The following DPP10 variants were observed in gnomAD, a reference collection of about 807,000 sequenced individuals.
DPP10 encodes the protein dipeptidyl peptidase like 10.
DPP10 carries 33 observed loss-of-function variants against 120.9 expected under a neutral mutation model. That is an observed-to-expected ratio of 0.27 (90% CI 0.21 to 0.37). The LOEUF is 0.37. Ranked by LOEUF, DPP10 falls within the 10% of genes least tolerant of loss-of-function variation. DPP10 has a pLI of 1.00. For missense variants in DPP10, 816 were observed against 942.8 expected (o/e 0.87, Z 1.76); for synonymous variants, 337 against 326.1 (o/e 1.03, Z -0.36).
chr2:115,073,436 G>T (rs960951059), intron 1 of DPP10, among the ~76,000 whole-genome samples: 1 of 152,234 alleles, frequency 6.6e-6, no homozygotes, highest in Non-Finnish European at 1.5e-5. Context: ...GGGCACAGTG[G>T]AGGTGGGTGT....
At chr2:115,532,750 C>A (rs1243185347) in intron 5 of DPP10, among the ~76,000 whole-genome samples, 2 of 151,536 alleles carry the variant, frequency 1.3e-5, no homozygotes, top group South Asian at 2.1e-4. Context: ...TATGTTAAAA[C>A]CTTGATGATC....
chr2:114,754,273 G>C (rs1161468760), intron 1 of DPP10, among the ~76,000 whole-genome samples: 3 of 152,084 alleles, frequency 2.0e-5, no homozygotes, highest in Non-Finnish European at 2.9e-5. Context: ...CACCTGGATG[G>C]GTGGTCACTT....
At chr2:115,772,579 C>T (rs1011817496) in intron 13 of DPP10, among the ~76,000 whole-genome samples, 10 of 152,090 alleles carry the variant, frequency 6.6e-5, no homozygotes, top group Non-Finnish European at 1.3e-4. Flanking sequence ...GTTTTGTACA[C>T]GTATTACTAT....
chr2:114,809,572 C>T (rs763522965), intron 1 of DPP10, among the ~76,000 whole-genome samples: 12 of 152,128 alleles, frequency 7.9e-5, no homozygotes, highest in Non-Finnish European at 1.2e-4. Context: ...TTCTTTGTGA[C>T]AATCGTGTGA....
At chr2:115,604,248 T>G (rs1016649541) in intron 5 of DPP10, among the ~76,000 whole-genome samples, 2 of 152,050 alleles carry the variant, frequency 1.3e-5, no homozygotes, top group Non-Finnish European at 2.9e-5. Flanking sequence ...CCTGAGAGAG[T>G]AGCCCCAACT....
At chr2:115,181,028 C>T (rs2054043301) in intron 1 of DPP10, among the ~76,000 whole-genome samples, 1 of 69,690 alleles carries the variant, frequency 1.4e-5, no homozygotes, top group Admixed American at 1.6e-4. Context: ...CATCTCACCC[C>T]TATTTTGATT....
chr2:115,409,907 C>T (rs943093927), intron 3 of DPP10, among the ~76,000 whole-genome samples: 7 of 152,142 alleles, frequency 4.6e-5, no homozygotes, highest in South Asian at 2.1e-4. Flanking sequence ...TGAAGTAACT[C>T]GGGATTGGAA....
In DPP10 at chr2:115,817,513, T is replaced by A. The variant is rs1388395971; in HGVS notation, c.1950+1784T>A. Among the ~76,000 whole-genome samples the A allele has an allele frequency of 3.9e-5, 6 of 152,178 alleles. No individual in the cohort carries two copies. The East Asian group carries it at 1.2e-3, about 29-fold the overall frequency. On this transcript the variant is annotated intron_variant, in intron 21 of 25. Transcript: ENST00000410059. ...CAGTGCAAATCACGACCATCCTCTC[T>A]CCACTTCAAACATCTGCAGTGTATC...
intron 3 of DPP10, among the ~76,000 whole-genome samples, chr2:115,427,203 C>T (rs2070560011): frequency 1.3e-5 from 2 of 152,190 alleles, no homozygotes; most frequent in African/African-American, 4.8e-5. Flanking sequence ...CTGTTGGCAC[C>T]ACCCGTCTGG....
At chr2:114,763,566 AT>A (rs901722553) in intron 1 of DPP10, among the ~76,000 whole-genome samples, 4 of 151,868 alleles carry the variant, frequency 2.6e-5, no homozygotes, top group African/African-American at 9.7e-5. Flanking sequence ...TTTTACAAAG[AT>A]TTTTTTTTAA....
Position 114,845,322 on chromosome 2 carries a change from A to T in DPP10, c.60+402484A>T, listed in dbSNP as rs1430352044. ...AAACATTGCATGATTACTTCATAAT[A>T]TGCATATGTGGGGACAGGGGGTATA... On this transcript the variant is annotated intron_variant, in intron 1 of 25. Transcript: ENST00000410059. 2.6e-5 allele frequency among the ~76,000 whole-genome samples: 4 copies of T among 152,278 alleles called. No individual in the cohort carries two copies. The East Asian group carries it at 7.7e-4, about 29-fold the overall frequency.
intron 3 of DPP10, among the ~76,000 whole-genome samples, chr2:115,359,551 A>G (rs2064632439): frequency 6.6e-6 from 1 of 151,836 alleles, no homozygotes; most frequent in Non-Finnish European, 1.5e-5. Context: ...TGCCTTTAAG[A>G]TTTTTTCTTT....
At chr2:115,057,455 G>A (rs1337393090) in intron 1 of DPP10, among the ~76,000 whole-genome samples, 2 of 152,268 alleles carry the variant, frequency 1.3e-5, no homozygotes, top group Non-Finnish European at 2.9e-5. Context: ...TATTCCAGCA[G>A]CCCTATGAAA....
intron 5 of DPP10, among the ~76,000 whole-genome samples, chr2:115,670,673 C>T (rs771435791): frequency 2.6e-5 from 4 of 152,192 alleles, no homozygotes; most frequent in African/African-American, 7.2e-5. Context: ...TCAAAGTCTA[C>T]GTTAAAGCTG....
At chr2:115,366,177 A>G (rs1480178350) in intron 3 of DPP10, among the ~76,000 whole-genome samples, 3 of 152,016 alleles carry the variant, frequency 2.0e-5, no homozygotes, top group Non-Finnish European at 2.9e-5. Context: ...AAGGATGCCT[A>G]TAATGCTCTG....
intron 5 of DPP10, chr2:115,579,214 GTCA>G (rs1324375025): frequency 1.3e-5 from 2 of 152,034 alleles, no homozygotes; most frequent in East Asian, 3.9e-4. Context: ...CGTGCTCTTG[GTCA>G]CCTTACTTTG....
chr2:115,290,893 G>C (rs2060624815), intron 1 of DPP10, among the ~76,000 whole-genome samples: 1 of 152,064 alleles, frequency 6.6e-6, no homozygotes, highest in Non-Finnish European at 1.5e-5. Context: ...AAATCATTTT[G>C]ACAGTCTCTG....
chr2:115,689,716 T>C lies in DPP10; in HGVS notation c.471T>C (p.Tyr157=). 6.9e-6 allele frequency: 11 copies of C among 1,589,456 alleles called. No homozygotes were observed. The highest frequency in any genetic ancestry group is 9.5e-6 in the Non-Finnish European group (11 of 1,161,806). ...TTCATTATTCGTATACTGCTTCATA[T>C]GTGATTTACAACATACACACTAGGT... ...QIFHYSYTAS[Y]VIYNIHTREV... Residue 157 remains tyrosine, a synonymous_variant, in exon 6 of 26, where the codon TAT becomes TAC. Transcript: ENST00000410059.
intron 4 of DPP10, among the ~76,000 whole-genome samples, chr2:115,516,370 T>G (rs2077502992): frequency 2.0e-5 from 3 of 152,120 alleles, no homozygotes; most frequent in Non-Finnish European, 4.4e-5. Context: ...AAATTATTCT[T>G]TTCCTTTATT....
Sources: gnomAD v4.1 joint callset for allele counts (sites outside exome capture counted in the v4.1 genomes callset) on GRCh38, gnomAD v4.1.1 for gene constraint, MANE v1.5 for transcripts, NCBI Gene and HGNC (gene_info 2026-07-23, HGNC 2026-07-21) for gene names.